The following MTHFD2L variants were observed in gnomAD, a reference collection of about 807,000 sequenced individuals.
The protein encoded by MTHFD2L is bifunctional methylenetetrahydrofolate dehydrogenase/cyclohydrolase 2, mitochondrial.
In MTHFD2L, 29 loss-of-function variants were observed where a neutral mutation model predicts 34.9. The observed-to-expected ratio is 0.83, with a 90% CI of 0.62 to 1.13. MTHFD2L has a LOEUF of 1.13. Among genes scored for constraint, MTHFD2L ranks in the 50% most tolerant of loss-of-function variants. The probability of loss-of-function intolerance (pLI) is 0.00; values close to 1 mark genes in which losing one functional copy is unlikely to be tolerated. For missense variants in MTHFD2L, 481 were observed against 446.5 expected, an observed-to-expected ratio of 1.08 and a Z score of -0.70; for synonymous variants, 167 against 155.7, an observed-to-expected ratio of 1.07 and a Z score of -0.54.
chr4:74,276,772 A>C (rs1440425439), intron 6 of MTHFD2L, among the ~76,000 whole-genome samples: 1 of 152,166 alleles, frequency 6.6e-6, no homozygotes, highest in Non-Finnish European at 1.5e-5. Flanking sequence ...TAGACTACTT[A>C]GTGTATTTAG....
In MTHFD2L at chr4:74,127,108, C is replaced by A. The variant is rs530575081; in HGVS notation, c.-297+1591C>A. Among the ~76,000 whole-genome samples the A allele has an allele frequency of 1.8e-3, 262 of 148,974 alleles. 2 individuals are homozygous for A. Among genetic ancestry groups the A allele is most frequent in the African/African-American group, 6.4e-3 (246 of 38,452 alleles). On this transcript the variant is annotated intron_variant, in intron 1 of 7. Coordinates refer to the MTHFD2L transcript ENST00000433372. ...GATTGTAAGTTTCCTGAGGCCTCCC[C>A]GGCCCTGCCGAACTGTGAGTCAATT...
intron 6 of MTHFD2L, among the ~76,000 whole-genome samples, chr4:74,259,288 T>G (rs1397932451): frequency 6.6e-6 from 1 of 152,160 alleles, no homozygotes; most frequent in Non-Finnish European, 1.5e-5. Context: ...CAGCACCCAC[T>G]CATAGGGTAG....
chr4:74,248,706 A>G (rs1213531620), intron 6 of MTHFD2L, among the ~76,000 whole-genome samples: 20 of 150,360 alleles, frequency 1.3e-4, no homozygotes, highest in African/African-American at 4.6e-4. Flanking sequence ...GTTTCAAAGA[A>G]CATCTTTATT....
At chr4:74,125,311 A>G (rs987801045), upstream of MTHFD2L, 6 of 152,170 alleles carry the variant, frequency 3.9e-5, no homozygotes, top group Non-Finnish European at 8.8e-5. Flanking sequence ...AGCTCCCAGA[A>G]AATTGTGAAA....
chr4:74,246,912 T>C (rs1258949065), intron 6 of MTHFD2L, among the ~76,000 whole-genome samples: 2 of 152,340 alleles, frequency 1.3e-5, no homozygotes, highest in Admixed American at 1.3e-4. Flanking sequence ...TCAGGTAGCA[T>C]GATGTCTCCA....
chr4:74,202,137 C>T (rs1734549168), intron 5 of MTHFD2L, among the ~76,000 whole-genome samples: 1 of 152,190 alleles, frequency 6.6e-6, no homozygotes, highest in Non-Finnish European at 1.5e-5. Flanking sequence ...ACTATGGTCT[C>T]AATCAGTCAG....
chr4:74,168,655 T>C (rs1223338772), intron 1 of MTHFD2L, among the ~76,000 whole-genome samples: 1 of 152,214 alleles, frequency 6.6e-6, no homozygotes, highest in Non-Finnish European at 1.5e-5. Context: ...TAGGAGACTT[T>C]CAATATATAT....
chr4:74,120,217 G>C (rs1051281642), upstream of MTHFD2L, among the ~76,000 whole-genome samples: 2 of 152,184 alleles, frequency 1.3e-5, no homozygotes, highest in Non-Finnish European at 2.9e-5. Flanking sequence ...CATTTGGCTA[G>C]CACATAACTA....
At chr4:74,153,917 A>G (rs1724093471), upstream of MTHFD2L, among the ~76,000 whole-genome samples, 2 of 152,182 alleles carry the variant, frequency 1.3e-5, no homozygotes, top group Admixed American at 1.3e-4. Context: ...ACAAAAGTTT[A>G]TACTTTATTT....
upstream of MTHFD2L, chr4:74,157,467 A>G (rs1724373312): frequency 2.8e-6 from 1 of 359,000 alleles, no homozygotes; most frequent in Admixed American, 3.8e-5. Flanking sequence ...TCACCACACA[A>G]GCTCACCACA....
chr4:74,238,635 A>G (rs1741206100), intron 6 of MTHFD2L, among the ~76,000 whole-genome samples: 1 of 152,220 alleles, frequency 6.6e-6, no homozygotes, highest in Non-Finnish European at 1.5e-5. Context: ...AAACTTAAAC[A>G]AAGTTACAAG....
intron 6 of MTHFD2L, chr4:74,267,046 A>G: frequency 1.0e-6 from 1 of 985,382 alleles, no homozygotes; most frequent in Non-Finnish European, 1.2e-6. Context: ...CCTCTTTTCA[A>G]CTAATATACC....
chr4:74,227,306 A>T (rs936167642), intron 6 of MTHFD2L, among the ~76,000 whole-genome samples: 7 of 152,122 alleles, frequency 4.6e-5, no homozygotes, highest in African/African-American at 1.7e-4. Context: ...ACCCCTACAG[A>T]CCTAGGAATG....
Position 74,131,782 on chromosome 4 carries a change from C to T in MTHFD2L, c.-297+6265C>T, listed in dbSNP as rs537999007. Among the ~76,000 whole-genome samples, 56 of 152,266 alleles carry T rather than the reference C, an allele frequency of 3.7e-4. No homozygotes were observed. The South Asian group carries it at 3.7e-3, about 10-fold the overall frequency. ...TCTGCACAGCAAAAGAAACTATCAT[C>T]AGAGTGAACAGGCAACCTATAGAAT... On this transcript the variant is annotated intron_variant, in intron 1 of 7. Transcript: ENST00000433372.
intron 6 of MTHFD2L, among the ~76,000 whole-genome samples, chr4:74,279,097 G>C (rs1747083255): frequency 6.6e-6 from 1 of 151,892 alleles, no homozygotes; most frequent in Non-Finnish European, 1.5e-5. Flanking sequence ...GAACACAAAT[G>C]ACCATCACTG....
At chr4:74,231,437 C>T (rs1371922460) in intron 6 of MTHFD2L, among the ~76,000 whole-genome samples, 9 of 152,142 alleles carry the variant, frequency 5.9e-5, no homozygotes, top group South Asian at 2.1e-4. Flanking sequence ...TGCTCACTTA[C>T]GGCCCTGAGT....
chr4:74,293,471 T>G (rs1183315278), intron 7 of MTHFD2L: 1 of 956,124 alleles, frequency 1.0e-6, no homozygotes, highest in African/African-American at 1.8e-5. Context: ...ATCCTCTCTA[T>G]TTCATTACTG....
At chr4:74,151,722 G>T (rs541162617) in intron 1 of MTHFD2L, among the ~76,000 whole-genome samples, 1 of 152,084 alleles carries the variant, frequency 6.6e-6, no homozygotes, top group Admixed American at 6.5e-5. Context: ...ATTTTATTGG[G>T]TATTGGATTA....
intron 6 of MTHFD2L, among the ~76,000 whole-genome samples, chr4:74,231,128 T>C (rs1233950520): frequency 1.3e-5 from 2 of 152,154 alleles, no homozygotes; most frequent in Non-Finnish European, 2.9e-5. Context: ...GATACCATGA[T>C]ATAAAACAGG....
Sources: allele counts gnomAD v4.1 joint callset (sites outside exome capture counted in the v4.1 genomes callset), GRCh38; gene constraint gnomAD v4.1.1; transcripts MANE v1.5; gene names NCBI Gene and HGNC (gene_info 2026-07-23, HGNC 2026-07-21).